TRPM2: variants seen among roughly 807,000 people sequenced by gnomAD.
TRPM2 encodes the protein transient receptor potential cation channel subfamily M member 2.
In TRPM2, 161 loss-of-function variants were observed where a neutral mutation model predicts 174.0. The ratio of observed to expected loss-of-function variants is 0.93; its 90% CI spans 0.81 to 1.05. The LOEUF is 1.05. Among genes scored for constraint, TRPM2 ranks in the 50% least tolerant of loss-of-function variants. The pLI is 0.00. For missense variants in TRPM2, 2,057 were observed against 2,038.0 expected (o/e 1.01, Z -0.18); for synonymous variants, 954 against 861.3 (o/e 1.11, Z -1.88).
At chr21:44,386,764 G>A (rs2049030253) in intron 9 of TRPM2, among the ~76,000 whole-genome samples, 3 of 150,930 alleles carry the variant, frequency 2.0e-5, no homozygotes, top group Admixed American at 1.3e-4. Context: ...AAATTCATGT[G>A]GAGTCTAAAG....
At chr21:44,357,341 A>C (rs964593099) in intron 2 of TRPM2, among the ~76,000 whole-genome samples, 5 of 152,172 alleles carry the variant, frequency 3.3e-5, no homozygotes, top group African/African-American at 1.2e-4. Context: ...GCTGACCTGG[A>C]TCAGATGTAA....
rs772026639 is a variant in TRPM2, at chr21:44,364,232, G to C, written c.373G>C (p.Asp125His). Residue 125 changes from aspartate to histidine, a missense_variant, in exon 3 of 32, where the codon GAT becomes CAT. Asp to His is a moderately conservative substitution (Grantham distance 81). Coordinates refer to ENST00000397928, the MANE Select transcript of TRPM2 (RefSeq NM_003307.4). Reference protein sequence around the residue: ...PKKHVQEMPTDAFGDIVFTGL... With the variant: ...PKKHVQEMPTHAFGDIVFTGL... ...GAAACATGTCCAGGAGATGCCAACCGATGCCTTTGGCGACATCGTCTTCAC... is the reference window on the plus strand; with the variant it reads ...GAAACATGTCCAGGAGATGCCAACCCATGCCTTTGGCGACATCGTCTTCAC... 6.2e-7 allele frequency: 1 copy of C among 1,614,240 alleles called. No homozygotes were observed. Among genetic ancestry groups the C allele is most frequent in the South Asian group, 1.1e-5 (1 of 91,092 alleles).
At chr21:44,365,522 C>T (rs1030346890) in intron 3 of TRPM2, among the ~76,000 whole-genome samples, 18 of 152,166 alleles carry the variant, frequency 1.2e-4, no homozygotes, top group South Asian at 2.1e-4. Context: ...GCTGTGGTCA[C>T]GGGGACAGTC....
At chr21:44,370,170 G>T (rs1386801602) in intron 5 of TRPM2, among the ~76,000 whole-genome samples, 2 of 152,124 alleles carry the variant, frequency 1.3e-5, no homozygotes, top group African/African-American at 2.4e-5. Context: ...TCGCTGCGAG[G>T]GTTCCGCTAA....
intron 2 of TRPM2, among the ~76,000 whole-genome samples, chr21:44,363,068 C>A (rs968660679): frequency 6.6e-6 from 1 of 151,694 alleles, no homozygotes; most frequent in Admixed American, 6.6e-5. Context: ...CACTGCGCCT[C>A]GCCGCTTTTA....
chr21:44,422,610 G>A (rs966092483), intron 22 of TRPM2, among the ~76,000 whole-genome samples: 2 of 152,216 alleles, frequency 1.3e-5, no homozygotes, highest in Non-Finnish European at 2.9e-5. Flanking sequence ...TGCAGTGGGC[G>A]CTGTGGATGA....
chr21:44,406,364 C>G (rs1371694683), intron 18 of TRPM2, among the ~76,000 whole-genome samples: 2 of 152,104 alleles, frequency 1.3e-5, no homozygotes, highest in Non-Finnish European at 2.9e-5. Flanking sequence ...AGCTTTCCTC[C>G]TTGGGTCACG....
At chr21:44,404,377 A>T (rs1436946181) in intron 16 of TRPM2, among the ~76,000 whole-genome samples, 2 of 82,854 alleles carry the variant, frequency 2.4e-5, no homozygotes, top group African/African-American at 4.7e-5. Context: ...ATGCACACAT[A>T]CATACACACA....
At chr21:44,378,145 G>T (rs1382116660) in intron 7 of TRPM2, among the ~76,000 whole-genome samples, 1 of 152,206 alleles carries the variant, frequency 6.6e-6, no homozygotes, top group Non-Finnish European at 1.5e-5. Context: ...ATTTTTCAAA[G>T]TACAGGGCTG....
chr21:44,426,376 C>T (rs540657406), intron 25 of TRPM2, among the ~76,000 whole-genome samples: 85 of 152,312 alleles, frequency 5.6e-4, no homozygotes, highest in African/African-American at 1.9e-3. Context: ...TAGGGTCCAG[C>T]TTAGCCCCCT....
At chr21:44,422,259 C>G in intron 22 of TRPM2, 1 of 1,535,406 alleles carries the variant, frequency 6.5e-7, no homozygotes, top group Non-Finnish European at 8.7e-7. Flanking sequence ...ACCAAAGCTC[C>G]TCGCCCACAG....
chr21:44,406,693 G>C lies in TRPM2; in HGVS notation c.2890G>C (p.Asp964His), dbSNP rs781462430. 17 of 1,609,842 alleles carry C rather than the reference G, an allele frequency of 1.1e-5. No individual in the cohort carries two copies. The Admixed American group carries it at 2.7e-4, about 25-fold the overall frequency. ...CCTCATCCACAACGAGCGCCGGGTG[G>C]ACTGGCTGTTCCGAGGGGCCGTCTA... Reference protein sequence around the residue: ...AILIHNERRVDWLFRGAVYHS... With the variant: ...AILIHNERRVHWLFRGAVYHS... The change falls in exon 19 of 32, where the codon GAC becomes CAC. Residue 964 changes from aspartate (D) to histidine (H), a missense_variant. Transcript: ENST00000397928.
At chr21:44,393,195 C>G (rs946501650) in intron 11 of TRPM2, among the ~76,000 whole-genome samples, 1 of 152,166 alleles carries the variant, frequency 6.6e-6, no homozygotes, top group African/African-American at 2.4e-5. Context: ...CTTGCAGTGA[C>G]TCAATGTCAG....
intron 17 of TRPM2, 30 bp from the exon 18 acceptor site, chr21:44,405,875 G>A: frequency 6.3e-7 from 1 of 1,594,536 alleles, no homozygotes; most frequent in South Asian, 1.1e-5. Flanking sequence ...GCAGGTGGCT[G>A]AGATGTGTGT....
intron 17 of TRPM2, among the ~76,000 whole-genome samples, 168 bp from the exon 18 acceptor site, chr21:44,405,737 A>C (rs933328742): frequency 1.3e-5 from 2 of 152,006 alleles, no homozygotes; most frequent in Non-Finnish European, 2.9e-5. Context: ...GGGAGGCTCT[A>C]TTCCTCAATC....
chr21:44,418,282 C>A, intron 21 of TRPM2, 141 bp from the exon 22 acceptor site: 1 of 1,383,808 alleles, frequency 7.2e-7, no homozygotes, highest in Non-Finnish European at 9.7e-7. Flanking sequence ...CCCAGAGGCC[C>A]CCTTGGGGGC....
At chr21:44,440,321 A>G (rs1334162000) in intron 30 of TRPM2, among the ~76,000 whole-genome samples, 2 of 151,330 alleles carry the variant, frequency 1.3e-5, no homozygotes, top group Non-Finnish European at 3.0e-5. Flanking sequence ...AAAAAAAAAA[A>G]AAAAAAAAGT....
At chr21:44,407,876 A>AAAAAATTAATATTTAATTTTTTAATT (rs1569080544) in intron 19 of TRPM2, among the ~76,000 whole-genome samples, 24 of 151,076 alleles carry the variant, frequency 1.6e-4, no homozygotes, top group Middle Eastern at 6.8e-3. Context: ...CTTTTTTTTA[A>AAAAAATTAATATTTAATTTTTTAATT]AAAAAATTAA....
In TRPM2 at chr21:44,413,911, C is replaced by G. The variant is rs114072844; in HGVS notation, c.2983C>G (p.His995Asp). The change falls in exon 20 of 32, where the codon CAC becomes GAC. Residue 995 changes from histidine to aspartate, a missense_variant. By Grantham distance (81) the His-to-Asp change is moderately conservative. Transcript: ENST00000397928. ...YIDGVNFNPEHCSPNGTDPYK... is the reference protein window; with the variant it reads ...YIDGVNFNPEDCSPNGTDPYK... ...GCCAGGTGTGAACTTCAACCCGGAG[C>G]ACTGCAGCCCCAATGGCACCGACCC... The G allele has an allele frequency of 2.3e-3, 3,748 of 1,613,022 alleles. 69 individuals are homozygous for G. In the African/African-American group the frequency reaches 0.04, roughly 17 times the overall value.
Sources: gnomAD v4.1 joint callset for allele counts (sites outside exome capture counted in the v4.1 genomes callset) on GRCh38, gnomAD v4.1.1 for gene constraint, MANE v1.5 for transcripts, NCBI Gene and HGNC (gene_info 2026-07-23, HGNC 2026-07-21) for gene names.